The following SYTL3 variants were observed in gnomAD, a reference collection of about 807,000 sequenced individuals.
The protein encoded by SYTL3 is synaptotagmin-like protein 3.
In SYTL3, 88 loss-of-function variants were observed where a neutral mutation model predicts 82.1. The ratio of observed to expected loss-of-function variants is 1.07; its 90% confidence interval spans 0.90 to 1.28. SYTL3 has a LOEUF of 1.28. SYTL3 is among the 50% of genes most tolerant of loss of function. The probability of loss-of-function intolerance (pLI) is 0.00; values close to 1 mark genes in which losing one functional copy is unlikely to be tolerated. For synonymous variants in SYTL3, 311 were observed against 289.4 expected, an observed-to-expected ratio of 1.07 and a Z score of -0.76; for missense variants, 831 against 757.6, an observed-to-expected ratio of 1.10 and a Z score of -1.14.
chr6:158,746,456 A>ATTATTAT (rs1554263756), intron 12 of SYTL3, among the ~76,000 whole-genome samples: 22,570 of 138,062 alleles, frequency 0.16, 2,054 homozygotes, highest in Non-Finnish European at 0.21. Flanking sequence ...AATAATAATA[A>ATTATTAT]TAATATTATT....
At position 158,757,264 on chromosome 6, in the gene SYTL3, G is replaced by C. The variant is rs772690087; in HGVS notation, c.1191G>C (p.Trp397Cys). The C allele has an allele frequency of 6.8e-6, 11 of 1,613,030 alleles. No individual in the cohort carries two copies. In the Admixed American group the frequency reaches 1.8e-4, roughly 27 times the overall value. Reference protein sequence around the residue: ...LVTRQLQVSVWHLGTLARRVF... With the variant: ...LVTRQLQVSVCHLGTLARRVF... ...CCCGGCAGCTGCAGGTCTCGGTGTG[G>C]CATCTGGGCACGCTGGCCCGGAGAG... Residue 397 changes from tryptophan (W) to cysteine (C), a missense_variant, in exon 14 of 18, where the codon TGG (tryptophan) becomes TGC (cysteine). Physicochemically the swap from Trp to Cys is radical, Grantham distance 215. Transcript: ENST00000611299.
chr6:158,698,768 T>C (rs941198490), intron 6 of SYTL3, among the ~76,000 whole-genome samples: 1 of 152,176 alleles, frequency 6.6e-6, no homozygotes, highest in Non-Finnish European at 1.5e-5. Flanking sequence ...TACAGCAAAG[T>C]GTATTGTTCT....
At chr6:158,664,679 C>T (rs780396524) in intron 4 of SYTL3, among the ~76,000 whole-genome samples, 7 of 152,178 alleles carry the variant, frequency 4.6e-5, no homozygotes, top group African/African-American at 7.2e-5. Context: ...ATAGTGATAA[C>T]AAAGTTGTAT....
intron 7 of SYTL3, 81 bp downstream of exon 7, chr6:158,707,362 C>T (rs1782218291): frequency 5.1e-6 from 6 of 1,177,642 alleles, no homozygotes; most frequent in Non-Finnish European, 2.5e-6. Context: ...TTATAGGTCT[C>T]TTGACTTTCA....
At chr6:158,713,667 C>T in intron 8 of SYTL3, 133 bp from the exon 9 acceptor site, 1 of 689,176 alleles carries the variant, frequency 1.5e-6, no homozygotes, top group Non-Finnish European at 2.6e-6. Flanking sequence ...CCACCTGCAC[C>T]CCCAGCACCA....
intron 6 of SYTL3, among the ~76,000 whole-genome samples, chr6:158,691,193 A>G (rs1779821106): frequency 6.6e-6 from 1 of 152,124 alleles, no homozygotes; most frequent in Non-Finnish European, 1.5e-5. Context: ...ATAAAAATAC[A>G]AAAATTAGCT....
chr6:158,713,110 A>G (rs1221926609), intron 8 of SYTL3, among the ~76,000 whole-genome samples: 3 of 152,180 alleles, frequency 2.0e-5, no homozygotes, highest in South Asian at 2.1e-4. Flanking sequence ...ATCCTGCTCT[A>G]CTTTCTCCTG....
chr6:158,719,389 G>A (rs1415562347), intron 10 of SYTL3, among the ~76,000 whole-genome samples: 4 of 152,118 alleles, frequency 2.6e-5, no homozygotes, highest in African/African-American at 4.8e-5. Flanking sequence ...TGAGTATAGG[G>A]GGTCACTGGG....
chr6:158,654,870 T>G (rs1583116862), intron 2 of SYTL3, among the ~76,000 whole-genome samples: 1 of 152,254 alleles, frequency 6.6e-6, no homozygotes, highest in South Asian at 2.1e-4. Context: ...CAGGTGGTGC[T>G]GTGGTGTGGG....
At chr6:158,684,811 A>T (rs1156964666) in intron 6 of SYTL3, among the ~76,000 whole-genome samples, 3 of 81,530 alleles carry the variant, frequency 3.7e-5, no homozygotes, top group African/African-American at 1.4e-4. Context: ...GGCTCTTCTT[A>T]AAAAAAAAAA....
intron 5 of SYTL3, among the ~76,000 whole-genome samples, chr6:158,673,104 T>C (rs1444605387): frequency 6.6e-6 from 1 of 152,080 alleles, no homozygotes; most frequent in African/African-American, 2.4e-5. Context: ...CTGATATAGA[T>C]ATGTTTTAAG....
intron 13 of SYTL3, among the ~76,000 whole-genome samples, 183 bp downstream of exon 13, chr6:158,752,213 T>C (rs528240379): frequency 4.2e-4 from 64 of 152,322 alleles, no homozygotes; most frequent in East Asian, 3.9e-4. Flanking sequence ...TGTCAGCCTT[T>C]GTACAGGAAA....
In SYTL3 at chr6:158,692,773, TA is replaced by T. The variant is rs35173536; in HGVS notation, c.394+9803del. Reference sequence around the variant, plus strand: ...TAACGTGGTGAAATCCCGTCTCTACTAAAAAAAAAAAAAAAAAAATACAAAA... The same window carrying T: ...TAACGTGGTGAAATCCCGTCTCTACTAAAAAAAAAAAAAAAAAATACAAAA... On this transcript the variant is annotated intron_variant, in intron 6 of 17. Coordinates refer to ENST00000611299, the MANE Select transcript of SYTL3 (RefSeq NM_001242394.2). Among the ~76,000 whole-genome samples the T allele has an allele frequency of 3.3e-3, 404 of 121,680 alleles. 2 individuals are homozygous for T. Among genetic ancestry groups the T allele is most frequent in the East Asian group, 7.3e-3 (30 of 4,094 alleles). 79.8% of individuals were successfully genotyped at this position (121,680 alleles called of 152,430 possible).
At chr6:158,658,267 G>A (rs147746794) in intron 2 of SYTL3, among the ~76,000 whole-genome samples, 1 of 152,112 alleles carries the variant, frequency 6.6e-6, no homozygotes, top group Non-Finnish European at 1.5e-5. Flanking sequence ...GTTAAATTCT[G>A]TTGTTAATTA....
intron 11 of SYTL3, among the ~76,000 whole-genome samples, chr6:158,738,812 C>T (rs1016347374): frequency 5.3e-5 from 8 of 152,314 alleles, no homozygotes; most frequent in Middle Eastern, 3.4e-3. Context: ...TGTGTGCCAC[C>T]GTGCCCAGCT....
At chr6:158,731,749 A>G (rs1273189144) in intron 11 of SYTL3, among the ~76,000 whole-genome samples, 2 of 152,070 alleles carry the variant, frequency 1.3e-5, no homozygotes, top group South Asian at 2.1e-4. Flanking sequence ...GCCCGCCACC[A>G]TGCCTGGCTA....
Position 158,763,460 on chromosome 6 carries a change from CCT to C in SYTL3, c.1677_1678del (p.Phe560TrpfsTer53), listed in dbSNP as rs1234522349. ...SLELTVWDQA[L>X]FGMNDRLLGG... is the part of the protein sequence containing the mutation. Reference sequence around the variant, plus strand: ...TGGAGTTAACTGTCTGGGATCAGGCCCTCTTTGGAATGAACGACCGCTTGCTT... The same window carrying C: ...TGGAGTTAACTGTCTGGGATCAGGCCCTTTGGAATGAACGACCGCTTGCTT... On this transcript the variant is annotated frameshift_variant, in exon 17 of 18. Transcript: ENST00000611299. LOFTEE classifies it low-confidence loss of function (END_TRUNC). 1.9e-6 allele frequency: 3 copies of C among 1,614,136 alleles called. No individual in the cohort carries two copies. Among genetic ancestry groups the C allele is most frequent in the Middle Eastern group, 1.6e-4 (1 of 6,062 alleles).
At chr6:158,754,838 A>C (rs1418522860) in intron 13 of SYTL3, among the ~76,000 whole-genome samples, 1 of 152,210 alleles carries the variant, frequency 6.6e-6, no homozygotes, top group Non-Finnish European at 1.5e-5. Context: ...CGTCGCCCAC[A>C]CACAGCTGGA....
At chr6:158,657,151 C>A (rs1221107205) in intron 2 of SYTL3, among the ~76,000 whole-genome samples, 1 of 152,072 alleles carries the variant, frequency 6.6e-6, no homozygotes, top group Non-Finnish European at 1.5e-5. Context: ...AGTGGCCGGG[C>A]ACGGTGACTC....
Sources: allele counts gnomAD v4.1 joint callset (sites outside exome capture counted in the v4.1 genomes callset), GRCh38; gene constraint gnomAD v4.1.1; transcripts MANE v1.5; gene names NCBI Gene and HGNC (gene_info 2026-07-23, HGNC 2026-07-21).